The following LTBP1 variants were observed in gnomAD, a reference collection of about 807,000 sequenced individuals.
LTBP1 encodes latent transforming growth factor beta binding protein 1, also known as latent-transforming growth factor beta-binding protein 1.
In LTBP1, 129 loss-of-function variants were observed where a neutral mutation model predicts 207.6. The ratio of observed to expected loss-of-function variants is 0.62; its 90% CI spans 0.54 to 0.72. The LOEUF is 0.72. Ranked by LOEUF, LTBP1 falls within the 30% of genes least tolerant of loss-of-function variation. The probability of loss-of-function intolerance (pLI) is 0.00; values close to 1 mark genes in which losing one functional copy is unlikely to be tolerated. For missense variants in LTBP1, 2,281 were observed against 2,217.2 expected, an observed-to-expected ratio of 1.03 and a Z score of -0.58; for synonymous variants, 963 against 833.7, an observed-to-expected ratio of 1.16 and a Z score of -2.67.
intron 9 of LTBP1, among the ~76,000 whole-genome samples, chr2:33,238,086 T>C (rs1019440501): frequency 2.3e-5 from 3 of 130,490 alleles, no homozygotes; most frequent in African/African-American, 1.1e-4. Context: ...AATAACTTAA[T>C]AGTCTGTCTG....
At chr2:32,984,288 CT>C (rs1396457707) in intron 2 of LTBP1, among the ~76,000 whole-genome samples, 2 of 152,194 alleles carry the variant, frequency 1.3e-5, no homozygotes, top group South Asian at 4.1e-4. Context: ...CCAAGTCTCT[CT>C]TTTTTTCCAT....
chr2:33,086,828 T>A lies in LTBP1; in HGVS notation c.864-23754T>A, dbSNP rs574485906. On this transcript the variant is annotated intron_variant, in intron 3 of 33. Coordinates refer to ENST00000404816, the MANE Select transcript of LTBP1 (RefSeq NM_206943.4). ...CCTTGTCTCGTTGGGCCACCTGCCATCTCTTAACTTTTGGCAAAGGAAAAT... is the reference window on the plus strand; with the variant it reads ...CCTTGTCTCGTTGGGCCACCTGCCAACTCTTAACTTTTGGCAAAGGAAAAT... Among the ~76,000 whole-genome samples, 23 of 152,300 alleles carry A rather than the reference T, an allele frequency of 1.5e-4. No homozygotes were observed. In the South Asian group the frequency reaches 4.8e-3, roughly 32 times the overall value.
rs377555187 is a variant in LTBP1, at chr2:33,252,853, T to C, written c.2167+9T>C. The C allele has an allele frequency of 1.3e-6, 2 of 1,588,608 alleles. No individual in the cohort carries two copies. The highest frequency in any genetic ancestry group is 1.3e-5 in the African/African-American group (1 of 74,446). On this transcript the variant is annotated intron_variant, in intron 11 of 33. Transcript: ENST00000404816. ...TCCCCTTCCAGGCACAGGTAAGACA[T>C]GCCCAGCTGTATGCGCACATAGATT...
chr2:33,218,545 T>C (rs2090884735), intron 8 of LTBP1, among the ~76,000 whole-genome samples: 1 of 152,162 alleles, frequency 6.6e-6, no homozygotes, highest in African/African-American at 2.4e-5. Flanking sequence ...TACAGACATC[T>C]GCCAACATGC....
chr2:33,267,063 G>A (rs776364748), intron 15 of LTBP1, among the ~76,000 whole-genome samples: 4 of 152,352 alleles, frequency 2.6e-5, no homozygotes, highest in East Asian at 1.9e-4. Context: ...CACTGTGTCC[G>A]CCATCTCCAG....
chr2:33,257,196 A>T (rs1227981212), intron 11 of LTBP1, 88 bp from the exon 12 acceptor site: 1 of 947,052 alleles, frequency 1.1e-6, no homozygotes, highest in East Asian at 2.5e-5. Flanking sequence ...GTGATGATTT[A>T]TTAAGAGCTA....
At chr2:33,095,671 C>T (rs1558630607) in intron 3 of LTBP1, among the ~76,000 whole-genome samples, 2 of 151,774 alleles carry the variant, frequency 1.3e-5, no homozygotes, top group Admixed American at 6.6e-5. Flanking sequence ...ACTTAAAAAG[C>T]ATATATATAT....
intron 22 of LTBP1, among the ~76,000 whole-genome samples, chr2:33,308,053 A>G (rs2094126054): frequency 6.6e-6 from 1 of 152,234 alleles, no homozygotes; most frequent in Admixed American, 6.5e-5. Context: ...AATTATTTGC[A>G]AGAAATGCCA....
intron 7 of LTBP1, among the ~76,000 whole-genome samples, chr2:33,206,535 T>G (rs189988155): frequency 6.6e-6 from 1 of 152,014 alleles, no homozygotes; most frequent in African/African-American, 2.4e-5. Flanking sequence ...GGTTAGGAGA[T>G]CGAGACCATC....
At chr2:33,152,647 G>T (rs1376407817) in intron 5 of LTBP1, among the ~76,000 whole-genome samples, 1 of 152,314 alleles carries the variant, frequency 6.6e-6, no homozygotes, top group Middle Eastern at 3.4e-3. Context: ...CATACTAGTG[G>T]GTGTGAAGTG....
At chr2:32,983,246 G>A (rs149234212) in intron 2 of LTBP1, among the ~76,000 whole-genome samples, 213 of 152,336 alleles carry the variant, frequency 1.4e-3, no homozygotes, top group African/African-American at 4.9e-3. Flanking sequence ...AGACTTGCAT[G>A]GAGCATTGTA....
intron 31 of LTBP1, among the ~76,000 whole-genome samples, chr2:33,367,065 A>G (rs1482938006): frequency 6.6e-6 from 1 of 152,036 alleles, no homozygotes; most frequent in Non-Finnish European, 1.5e-5. Context: ...TTATCATCCT[A>G]GCATTTTCTT....
chr2:33,030,334 C>G (rs898605364), intron 3 of LTBP1, among the ~76,000 whole-genome samples: 24 of 152,152 alleles, frequency 1.6e-4, no homozygotes, highest in African/African-American at 5.6e-4. Flanking sequence ...TTCCTTACCC[C>G]CTGGGCACAA....
In LTBP1 at chr2:33,041,480, C is replaced by A. The variant is rs570302295; in HGVS notation, c.863+20274C>A. On this transcript the variant is annotated intron_variant, in intron 3 of 33. Coordinates refer to ENST00000404816, the MANE Select transcript of LTBP1 (RefSeq NM_206943.4). ...TTGTATTTCAGTAGAGATAGGGTTTCACCATATTGGCCAGGCTGTTCTCGA... is the reference window on the plus strand; with the variant it reads ...TTGTATTTCAGTAGAGATAGGGTTTAACCATATTGGCCAGGCTGTTCTCGA... 2.5e-3 allele frequency among the ~76,000 whole-genome samples: 387 copies of A among 152,198 alleles called. 1 individual carries two copies. The highest frequency in any genetic ancestry group is 0.017 in the Middle Eastern group (5 of 294).
intron 9 of LTBP1, among the ~76,000 whole-genome samples, chr2:33,229,464 A>T (rs1405819256): frequency 6.6e-6 from 1 of 152,130 alleles, no homozygotes; most frequent in Non-Finnish European, 1.5e-5. Flanking sequence ...ACAAAGTGAG[A>T]CCCTGTCTCT....
intron 4 of LTBP1, among the ~76,000 whole-genome samples, chr2:33,112,409 T>C (rs983700658): frequency 1.3e-5 from 2 of 152,226 alleles, no homozygotes; most frequent in Middle Eastern, 3.2e-3. Flanking sequence ...GTTCTGTCCA[T>C]ATCTTTCCCG....
At chr2:33,084,308 G>A (rs960120857) in intron 3 of LTBP1, among the ~76,000 whole-genome samples, 1 of 152,144 alleles carries the variant, frequency 6.6e-6, no homozygotes, top group Non-Finnish European at 1.5e-5. Flanking sequence ...GTTCAGATTG[G>A]CCCTTTCTTG....
chr2:33,196,922 C>T (rs560907921), intron 7 of LTBP1, among the ~76,000 whole-genome samples: 1 of 152,144 alleles, frequency 6.6e-6, no homozygotes, highest in African/African-American at 2.4e-5. Context: ...CCACAGAGGA[C>T]ATTTCTTTGG....
chr2:33,189,859 C>G lies in LTBP1; in HGVS notation c.1701+1008C>G, dbSNP rs569179625. Among the ~76,000 whole-genome samples, 36 of 80,742 alleles carry G rather than the reference C, an allele frequency of 4.5e-4. No homozygotes were observed. The East Asian group carries it at 0.013, about 29-fold the overall frequency. The allele number at this position is 80,742 out of a possible 152,430, so 53.0% of individuals were successfully genotyped here. A position where few individuals can be genotyped will look rare whatever the true frequency, so the allele number is the denominator to read the frequency against. ...TGGCCAACATGATGAAACCCCGTCT[C>G]TACTAAAAATACAAAAAATTAGCCC... On this transcript the variant is annotated intron_variant, in intron 7 of 33. Coordinates refer to ENST00000404816, the MANE Select transcript of LTBP1 (RefSeq NM_206943.4).
Sources: gnomAD v4.1 joint callset for allele counts (sites outside exome capture counted in the v4.1 genomes callset) on GRCh38, gnomAD v4.1.1 for gene constraint, MANE v1.5 for transcripts, NCBI Gene and HGNC (gene_info 2026-07-23, HGNC 2026-07-21) for gene names.